SGCZ: variants seen among roughly 807,000 people sequenced by gnomAD.
SGCZ encodes sarcoglycan zeta, also known as zeta-sarcoglycan.
A neutral mutation model predicts 41.3 loss-of-function variants in SGCZ; 40 were observed. The observed-to-expected ratio is 0.97, with a 90% CI of 0.75 to 1.26. The LOEUF is 1.26. SGCZ is among the 50% of genes most tolerant of loss of function. The pLI is 0.00. For missense variants in SGCZ, 552 were observed against 369.8 expected (o/e 1.49, Z -4.04); for synonymous variants, 206 against 137.5 (o/e 1.50, Z -3.49).
chr8:14,825,747 T>A (rs1221065555), intron 1 of SGCZ, among the ~76,000 whole-genome samples: 1 of 152,142 alleles, frequency 6.6e-6, no homozygotes, highest in Non-Finnish European at 1.5e-5. Flanking sequence ...TGTTCTACCG[T>A]CTATTCTATG....
intron 1 of SGCZ, among the ~76,000 whole-genome samples, chr8:14,965,018 A>T (rs1801087017): frequency 6.6e-6 from 1 of 151,736 alleles, no homozygotes; most frequent in Admixed American, 6.6e-5. Flanking sequence ...CCAGGAGGAG[A>T]CTCATTTGTG....
chr8:14,678,763 A>T (rs1808351478), intron 1 of SGCZ, among the ~76,000 whole-genome samples: 1 of 152,370 alleles, frequency 6.6e-6, no homozygotes, highest in African/African-American at 2.4e-5. Flanking sequence ...CATAATTGAA[A>T]AAACTTGGAA....
intron 5 of SGCZ, among the ~76,000 whole-genome samples, chr8:14,131,916 G>A (rs1167059176): frequency 6.6e-6 from 1 of 152,056 alleles, no homozygotes; most frequent in East Asian, 1.9e-4. Flanking sequence ...ATATAGTCTA[G>A]GTGGATAGTA....
At chr8:14,108,453 C>G (rs1802275476) in intron 5 of SGCZ, among the ~76,000 whole-genome samples, 1 of 152,088 alleles carries the variant, frequency 6.6e-6, no homozygotes, top group South Asian at 2.1e-4. Context: ...CTGGGGAGCC[C>G]TCAGAATCAT....
At chr8:14,398,394 G>A (rs1798977651) in intron 2 of SGCZ, among the ~76,000 whole-genome samples, 1 of 151,608 alleles carries the variant, frequency 6.6e-6, no homozygotes, top group South Asian at 2.1e-4. Flanking sequence ...TCCTAGATGT[G>A]AACTCCGTAA....
rs148107348 is a variant in SGCZ, at chr8:14,289,340, T to C, written c.336+34763A>G. On this transcript the variant is annotated intron_variant, in intron 3 of 7. Coordinates refer to ENST00000382080, the MANE Select transcript of SGCZ (RefSeq NM_139167.4). ...TTTTGATATTGTATCTAAGAAACCA[T>C]TGTCAAATCCAAAGTTATGAATTAA... Among the ~76,000 whole-genome samples the C allele has an allele frequency of 4.8e-3, 727 of 152,240 alleles. 6 individuals carry two copies. Among genetic ancestry groups the C allele is most frequent in the Middle Eastern group, 0.02 (6 of 294 alleles).
At chr8:15,173,490 C>G (rs1011002443) in intron 1 of SGCZ, among the ~76,000 whole-genome samples, 1 of 152,178 alleles carries the variant, frequency 6.6e-6, no homozygotes, top group Non-Finnish European at 1.5e-5. Flanking sequence ...AGAATTATTA[C>G]ATGAGTGTCT....
At chr8:14,721,616 A>G (rs1247351744) in intron 1 of SGCZ, among the ~76,000 whole-genome samples, 1 of 152,096 alleles carries the variant, frequency 6.6e-6, no homozygotes, top group Non-Finnish European at 1.5e-5. Context: ...CTAAGGCACC[A>G]CCAATTCTCA....
chr8:15,147,950 T>C (rs1413570863), intron 1 of SGCZ, among the ~76,000 whole-genome samples: 3 of 152,232 alleles, frequency 2.0e-5, no homozygotes, highest in African/African-American at 7.2e-5. Context: ...TCTGAGATTA[T>C]AGTAAAGTTT....
chr8:14,314,954 A>C (rs2117008986), intron 3 of SGCZ, among the ~76,000 whole-genome samples: 1 of 152,320 alleles, frequency 6.6e-6, no homozygotes, highest in Admixed American at 6.5e-5. Flanking sequence ...AAAAAGGCTA[A>C]GTTCATCAAA....
intron 3 of SGCZ, among the ~76,000 whole-genome samples, chr8:14,240,613 C>A (rs1199594327): frequency 2.0e-5 from 3 of 152,092 alleles, no homozygotes; most frequent in Non-Finnish European, 2.9e-5. Context: ...ATTCTCTATG[C>A]TGTGTTCCTA....
intron 2 of SGCZ, among the ~76,000 whole-genome samples, chr8:14,518,809 C>T (rs1412171274): frequency 6.6e-6 from 1 of 150,640 alleles, no homozygotes; most frequent in Non-Finnish European, 1.5e-5. Flanking sequence ...GAGAGATATA[C>T]ACTTTGGGAG....
At chr8:14,235,654 A>G (rs955957417) in intron 4 of SGCZ, among the ~76,000 whole-genome samples, 1 of 152,158 alleles carries the variant, frequency 6.6e-6, no homozygotes, top group African/African-American at 2.4e-5. Flanking sequence ...ATTGTGTCTG[A>G]CAGTGGGCAT....
intron 7 of SGCZ, among the ~76,000 whole-genome samples, chr8:14,095,471 T>C (rs532641100): frequency 4.4e-4 from 66 of 150,610 alleles, no homozygotes; most frequent in Non-Finnish European, 8.5e-4. Context: ...CTGTTCTGTT[T>C]TGGTACCAGT....
chr8:14,916,951 C>G (rs1002894033), intron 1 of SGCZ, among the ~76,000 whole-genome samples: 5 of 152,074 alleles, frequency 3.3e-5, no homozygotes, highest in African/African-American at 1.2e-4. Flanking sequence ...GAAAAACAGT[C>G]ATACTCAAAG....
intron 2 of SGCZ, among the ~76,000 whole-genome samples, chr8:14,337,920 G>A (rs2117069370): frequency 6.6e-6 from 1 of 152,266 alleles, no homozygotes. Flanking sequence ...GCAATGAGGG[G>A]CCAGGTCAGA....
chr8:15,157,928 G>A lies in SGCZ; in HGVS notation c.39+79657C>T, dbSNP rs73529319. On this transcript the variant is annotated intron_variant, in intron 1 of 7. Transcript: ENST00000382080. ...TGTTGTTCCTCCTTCTCAGGCCCTC[G>A]GCCTTCCGCAGGTCCATTCCAGGGC... is the stretch of plus-strand genomic sequence containing the variant. 3.7e-3 allele frequency among the ~76,000 whole-genome samples: 570 copies of A among 152,162 alleles called. 2 individuals are homozygous for A. The highest frequency in any genetic ancestry group is 0.012 in the African/African-American group (518 of 41,488).
intron 2 of SGCZ, among the ~76,000 whole-genome samples, chr8:14,414,179 C>G (rs1012888198): frequency 3.3e-5 from 5 of 151,806 alleles, no homozygotes; most frequent in Non-Finnish European, 5.9e-5. Context: ...CAGAAATGAA[C>G]GCACACACTC....
chr8:15,221,648 G>A lies in SGCZ; in HGVS notation c.39+15937C>T, dbSNP rs952084922. On this transcript the variant is annotated intron_variant, in intron 1 of 7. Transcript: ENST00000382080. ...TGACTTGAAGGATTCCTACTGTTAT[G>A]CAGTAGGAAGAATCCCGAGATGCTG... is the stretch of plus-strand genomic sequence containing the variant. Among the ~76,000 whole-genome samples, 12 of 152,256 alleles carry A rather than the reference G, an allele frequency of 7.9e-5. No individual in the cohort carries two copies. In the East Asian group the frequency reaches 1.7e-3, roughly 22 times the overall value.
Sources: gnomAD v4.1 joint callset for allele counts (sites outside exome capture counted in the v4.1 genomes callset) on GRCh38, gnomAD v4.1.1 for gene constraint, MANE v1.5 for transcripts, NCBI Gene and HGNC (gene_info 2026-07-23, HGNC 2026-07-21) for gene names.